KDM4B: variants seen among roughly 807,000 people sequenced by gnomAD.
KDM4B encodes lysine-specific demethylase 4B.
KDM4B carries 32 observed loss-of-function variants against 125.2 expected under a neutral mutation model. That is an observed-to-expected ratio of 0.26 (90% CI 0.19 to 0.34). The LOEUF (loss-of-function observed/expected upper bound fraction) is 0.34, where lower values mean the gene tolerates loss of function less well. Ranked by LOEUF, KDM4B falls within the 10% of genes least tolerant of loss-of-function variation. The probability of loss-of-function intolerance (pLI) is 1.00; values close to 1 mark genes in which losing one functional copy is unlikely to be tolerated. For synonymous variants in KDM4B, 721 were observed against 677.9 expected (o/e 1.06, Z -0.99); for missense variants, 1,190 against 1,577.7 (o/e 0.75, Z 4.16).
chr19:5,082,519 G>T lies in KDM4B; in HGVS notation c.918+15G>T. 2 of 1,579,342 alleles carry T rather than the reference G, an allele frequency of 1.3e-6. No individual in the cohort carries two copies. The highest frequency in any genetic ancestry group is 1.2e-5 in the South Asian group (1 of 84,582). ...TGGCCACTCAGGTAAAAGCTTGCCT[G>T]CTGGGAACGGGTCCCAGCAGGGCGG... On this transcript the variant is annotated intron_variant, in intron 9 of 22. Coordinates refer to ENST00000159111, the MANE Select transcript of KDM4B (RefSeq NM_015015.3). This position sits in a 1 kb window ranked among gnomAD's most constrained non-coding sequence, Gnocchi z 5.4.
At chr19:5,120,895 C>A (rs566144808) in intron 11 of KDM4B, among the ~76,000 whole-genome samples, 2 of 152,302 alleles carry the variant, frequency 1.3e-5, no homozygotes, top group East Asian at 3.9e-4. Context: ...GGGCCACATT[C>A]GCCGGAGGGT....
At position 5,041,252 on chromosome 19, in the gene KDM4B, G is replaced by A. The variant is rs1432451428; in HGVS notation, c.432+1G>A. On this transcript the variant is annotated splice_donor_variant, in intron 5 of 22. Coordinates refer to ENST00000159111, the MANE Select transcript of KDM4B (RefSeq NM_015015.3). LOFTEE classifies it high-confidence loss of function. ...CATCAGCGGCTCTTTGTATGATGAC[G>A]TAAGTATGAGGCTCCGGGGAAGAAC... The A allele has an allele frequency of 1.2e-6, 2 of 1,606,560 alleles. No homozygotes were observed. Among genetic ancestry groups the A allele is most frequent in the Non-Finnish European group, 1.7e-6 (2 of 1,173,944 alleles).
At chr19:5,091,528 C>A (rs186522867) in intron 9 of KDM4B, among the ~76,000 whole-genome samples, 1 of 152,200 alleles carries the variant, frequency 6.6e-6, no homozygotes, top group Non-Finnish European at 1.5e-5. Context: ...CCCACCTCCC[C>A]GCATCCAGGC....
rs2034248219 is a variant in KDM4B, at chr19:4,971,237, C to T, written c.-109+2007C>T. 6.6e-6 allele frequency among the ~76,000 whole-genome samples: 1 copy of T among 152,148 alleles called. No individual in the cohort carries two copies. The highest frequency in any genetic ancestry group is 2.4e-5 in the African/African-American group (1 of 41,428). ...GTATAGCTGATCAGCCACCGCACAG[C>T]ACCCCGCCTGGCCTTTGTTGTACTT... is the stretch of plus-strand genomic sequence containing the variant. On this transcript the variant is annotated intron_variant, in intron 1 of 22. Coordinates refer to ENST00000159111, the MANE Select transcript of KDM4B (RefSeq NM_015015.3). This position sits in a 1 kb window ranked among gnomAD's most constrained non-coding sequence, Gnocchi z 4.1.
chr19:4,996,056 T>A (rs1417221964), intron 1 of KDM4B, among the ~76,000 whole-genome samples: 1 of 152,184 alleles, frequency 6.6e-6, no homozygotes, highest in Non-Finnish European at 1.5e-5. Flanking sequence ...AGTGGTGTGA[T>A]CTCAGCTCAC....
intron 9 of KDM4B, among the ~76,000 whole-genome samples, chr19:5,093,751 TTGGCAG>T (rs1169251928): frequency 6.6e-6 from 1 of 152,202 alleles, no homozygotes; most frequent in Non-Finnish European, 1.5e-5. Flanking sequence ...TGGTGTCTGC[TTGGCAG>T]TGGTCACCGC....
rs1181813454 is a variant in KDM4B, at chr19:5,114,928, G to A, written c.1115+4110G>A. 6.6e-6 allele frequency among the ~76,000 whole-genome samples: 1 copy of A among 152,268 alleles called. No individual in the cohort carries two copies. Among genetic ancestry groups the A allele is most frequent in the Non-Finnish European group, 1.5e-5 (1 of 68,048 alleles). On this transcript the variant is annotated intron_variant, in intron 10 of 22. Coordinates refer to ENST00000159111, the MANE Select transcript of KDM4B (RefSeq NM_015015.3). The surrounding 1 kb of genome is among the most constrained non-coding windows in gnomAD (Gnocchi z 5.8). Reference sequence around the variant, plus strand: ...ACTATGTCCCGACATTTGGCTCATAGGAATGAGCCCAGCGGCGTCCAGTTA... The same window carrying A: ...ACTATGTCCCGACATTTGGCTCATAAGAATGAGCCCAGCGGCGTCCAGTTA...
intron 7 of KDM4B, chr19:5,074,360 G>A (rs1325993149): frequency 6.6e-6 from 1 of 152,234 alleles, no homozygotes; most frequent in African/African-American, 2.4e-5. Context: ...GACTCTTTTT[G>A]GGGCAGGCGA....
intron 1 of KDM4B, among the ~76,000 whole-genome samples, chr19:4,981,465 C>T (rs1467022408): frequency 6.6e-6 from 1 of 152,198 alleles, no homozygotes; most frequent in Admixed American, 6.5e-5. Flanking sequence ...GGGTCACTTC[C>T]CTTTCCTGGT....
chr19:4,976,915 C>T (rs987449970), intron 1 of KDM4B, among the ~76,000 whole-genome samples: 2 of 152,224 alleles, frequency 1.3e-5, no homozygotes, highest in East Asian at 3.8e-4. Context: ...GTCAAGAAAT[C>T]GTACCGTTAA....
chr19:5,027,577 G>A (rs561733661), intron 2 of KDM4B, among the ~76,000 whole-genome samples: 7 of 131,714 alleles, frequency 5.3e-5, no homozygotes, highest in East Asian at 2.1e-4. Context: ...GGAGTTTCTC[G>A]TCACCCAGGC....
At chr19:5,031,061 C>T (rs532412464) in intron 2 of KDM4B, among the ~76,000 whole-genome samples, 8 of 152,342 alleles carry the variant, frequency 5.3e-5, no homozygotes, top group Non-Finnish European at 1.0e-4. Flanking sequence ...GGTCCAGCTG[C>T]GGCCTCTGCT....
chr19:5,097,989 G>T (rs927977483), intron 9 of KDM4B, among the ~76,000 whole-genome samples: 1 of 152,216 alleles, frequency 6.6e-6, no homozygotes, highest in Non-Finnish European at 1.5e-5. Context: ...GTCAAGCTCT[G>T]TGGAAGGTTT....
At chr19:5,077,129 T>C in intron 7 of KDM4B, 1 of 565,814 alleles carries the variant, frequency 1.8e-6, no homozygotes, top group South Asian at 2.1e-5. Context: ...GTGTCACCAC[T>C]GTCTGCCACC....
intron 5 of KDM4B, among the ~76,000 whole-genome samples, chr19:5,045,490 A>C (rs1207877021): frequency 2.0e-5 from 3 of 151,188 alleles, no homozygotes; most frequent in African/African-American, 4.9e-5. Context: ...GGGTTCAATC[A>C]TTTCTGTGCC....
intron 1 of KDM4B, among the ~76,000 whole-genome samples, chr19:4,984,527 G>T (rs1463968874): frequency 6.6e-6 from 1 of 152,174 alleles, no homozygotes; most frequent in Non-Finnish European, 1.5e-5. Flanking sequence ...ACCCGAGGCA[G>T]CGTTGACCCC....
intron 1 of KDM4B, among the ~76,000 whole-genome samples, chr19:5,005,920 G>T (rs1452775402): frequency 6.6e-6 from 1 of 152,158 alleles, no homozygotes; most frequent in East Asian, 1.9e-4. Context: ...CTCTGGCGGA[G>T]GTGAGTGGTG....
intron 6 of KDM4B, among the ~76,000 whole-genome samples, chr19:5,048,600 AG>A (rs2037114047): frequency 7.8e-6 from 1 of 128,922 alleles, no homozygotes; most frequent in Admixed American, 8.2e-5. Flanking sequence ...GTAAGCGGGG[AG>A]AGGGGGGGGC....
rs868284171 is a variant in KDM4B at position 4,969,462 on chromosome 19, G to T, written c.-109+232G>T. ...TTTTCGGGCGGGGGCGGCGGGGCCG[G>T]ACAATGGCGGGGCGCGCCCAGGGGC... On this transcript the variant is annotated intron_variant, in intron 1 of 22. Coordinates refer to ENST00000159111, the MANE Select transcript of KDM4B (RefSeq NM_015015.3). Among the ~76,000 whole-genome samples the T allele has an allele frequency of 3.5e-4, 52 of 148,596 alleles. 1 individual carries two copies. The Middle Eastern group carries it at 0.014, about 39-fold the overall frequency.
Sources: gnomAD v4.1 joint callset for allele counts (sites outside exome capture counted in the v4.1 genomes callset) on GRCh38, gnomAD v4.1.1 for gene constraint, Gnocchi (gnomAD v3.1) non-coding constraint, MANE v1.5 for transcripts, NCBI Gene and HGNC (gene_info 2026-07-23, HGNC 2026-07-21) for gene names.